The following IGSF21 variants were observed in gnomAD, a reference collection of about 807,000 sequenced individuals.
The protein encoded by IGSF21 is immunoglobin superfamily member 21, also known as immunoglobulin superfamily member 21.
A neutral mutation model predicts 46.8 loss-of-function variants in IGSF21; 28 were observed. The ratio of observed to expected loss-of-function variants is 0.60; its 90% confidence interval spans 0.44 to 0.82. The LOEUF (loss-of-function observed/expected upper bound fraction) is 0.82, where lower values mean the gene tolerates loss of function less well. Among genes scored for constraint, IGSF21 ranks in the 40% least tolerant of loss-of-function variants. IGSF21 has a pLI of 0.00. For synonymous variants in IGSF21, 284 were observed against 273.6 expected (o/e 1.04, Z -0.38); for missense variants, 624 against 665.5 (o/e 0.94, Z 0.69).
At chr1:18,185,566 A>G (rs2086895945) in intron 1 of IGSF21, among the ~76,000 whole-genome samples, 1 of 152,200 alleles carries the variant, frequency 6.6e-6, no homozygotes. Flanking sequence ...TACACTGGGC[A>G]GATCTGAGTT....
At chr1:18,164,610 A>G (rs1048756294) in intron 1 of IGSF21, among the ~76,000 whole-genome samples, 1 of 152,076 alleles carries the variant, frequency 6.6e-6, no homozygotes, top group East Asian at 1.9e-4. Flanking sequence ...TGCAATTTTA[A>G]CTGATCGTGA....
At chr1:18,293,814 C>T (rs559443447) in intron 3 of IGSF21, among the ~76,000 whole-genome samples, 37 of 152,288 alleles carry the variant, frequency 2.4e-4, no homozygotes, top group African/African-American at 8.4e-4. Context: ...CCAAGCCACC[C>T]GCTGCCACCA....
At chr1:18,274,889 G>A (rs1187798859) in intron 2 of IGSF21, among the ~76,000 whole-genome samples, 1 of 152,180 alleles carries the variant, frequency 6.6e-6, no homozygotes, top group Non-Finnish European at 1.5e-5. Context: ...AGCTGGATGT[G>A]GTGGCATGCA....
chr1:18,344,319 C>T (rs796527949), intron 4 of IGSF21, among the ~76,000 whole-genome samples: 9 of 152,274 alleles, frequency 5.9e-5, no homozygotes, highest in African/African-American at 2.2e-4. Context: ...TAGGTGTGTG[C>T]CACCATGCCT....
chr1:18,138,643 G>T (rs1414702324), intron 1 of IGSF21, among the ~76,000 whole-genome samples: 2 of 152,164 alleles, frequency 1.3e-5, no homozygotes, highest in Non-Finnish European at 2.9e-5. Flanking sequence ...AAGGGGCGAG[G>T]AAGCTGGGGT....
At chr1:18,182,337 C>T (rs1043338007) in intron 1 of IGSF21, among the ~76,000 whole-genome samples, 17 of 152,030 alleles carry the variant, frequency 1.1e-4, no homozygotes, top group African/African-American at 3.4e-4. Context: ...CCACCACATC[C>T]GGCTAATTTT....
In IGSF21 at chr1:18,201,297, G is replaced by C. The variant is rs575417231; in HGVS notation, c.71-26601G>C. Among the ~76,000 whole-genome samples the C allele has an allele frequency of 2.2e-4, 33 of 152,318 alleles. 1 individual carries two copies. The Middle Eastern group carries it at 0.027, about 126-fold the overall frequency. ...CCGGGCTGACACTCAGAATGGCCAG[G>C]CTAAGAAGTGCAGACTTGATTGTGC... On this transcript the variant is annotated intron_variant, in intron 1 of 9. Coordinates refer to ENST00000251296, the MANE Select transcript of IGSF21 (RefSeq NM_032880.5).
At chr1:18,214,298 C>G (rs548709331) in intron 1 of IGSF21, among the ~76,000 whole-genome samples, 2 of 152,168 alleles carry the variant, frequency 1.3e-5, no homozygotes, top group South Asian at 4.2e-4. Flanking sequence ...GGGACTGCTC[C>G]CTGCAAAGGC....
At chr1:18,159,868 A>G (rs556267456) in intron 1 of IGSF21, among the ~76,000 whole-genome samples, 1 of 152,062 alleles carries the variant, frequency 6.6e-6, no homozygotes, top group African/African-American at 2.4e-5. Context: ...TTTTTGGTAG[A>G]GATTGGATTT....
intron 2 of IGSF21, among the ~76,000 whole-genome samples, chr1:18,264,521 C>T (rs952781264): frequency 9.2e-5 from 14 of 151,982 alleles, no homozygotes; most frequent in Admixed American, 3.3e-4. Flanking sequence ...AACACATGGA[C>T]GGAGGGAGCC....
At chr1:18,174,094 C>T (rs919777504) in intron 1 of IGSF21, among the ~76,000 whole-genome samples, 15 of 152,168 alleles carry the variant, frequency 9.9e-5, no homozygotes, top group African/African-American at 3.6e-4. Context: ...CATGAATGTT[C>T]CGGGAAGCTC....
chr1:18,131,690 C>T (rs2086323188), intron 1 of IGSF21, among the ~76,000 whole-genome samples: 1 of 152,188 alleles, frequency 6.6e-6, no homozygotes, highest in Non-Finnish European at 1.5e-5. Context: ...TGGTTTTCCT[C>T]CATGTGCTGA....
chr1:18,363,562 G>A (rs965277385), intron 5 of IGSF21, among the ~76,000 whole-genome samples: 20 of 151,882 alleles, frequency 1.3e-4, no homozygotes, highest in Non-Finnish European at 2.2e-4. Context: ...CATAGGTGAG[G>A]CAGTGGGCAG....
chr1:18,376,360 G>C lies in IGSF21; in HGVS notation c.1066G>C (p.Gly356Arg), dbSNP rs770844847. The change falls in exon 7 of 10, where the codon GGG becomes CGG. Residue 356 changes from glycine (G) to arginine (R), a missense_variant. Physicochemically the swap from Gly to Arg is moderately radical, Grantham distance 125 (BLOSUM62 -2). Transcript: ENST00000251296. ...GATGACGCCCAGCAGAGCCCGGGTA[G>C]GGGACACAGTGAGGATTCTGGTCCA... ...IVMTPSRARVGDTVRILVHGF... is the reference protein window; with the variant it reads ...IVMTPSRARVRDTVRILVHGF... The C allele has an allele frequency of 6.2e-7, 1 of 1,614,058 alleles. No homozygotes were observed. Among genetic ancestry groups the C allele is most frequent in the South Asian group, 1.1e-5 (1 of 91,070 alleles).
intron 1 of IGSF21, among the ~76,000 whole-genome samples, chr1:18,136,632 C>A (rs1270296186): frequency 6.6e-6 from 1 of 152,124 alleles, no homozygotes; most frequent in East Asian, 1.9e-4. Context: ...CTTTTGGTAC[C>A]AGTACCATGC....
At chr1:18,376,151 A>G (rs1267692521) in intron 6 of IGSF21, 159 bp from the exon 7 acceptor site, 2 of 687,270 alleles carry the variant, frequency 2.9e-6, no homozygotes, top group Non-Finnish European at 2.7e-6. Context: ...GTCTGAATGA[A>G]TGCAGCTGTG....
intron 1 of IGSF21, among the ~76,000 whole-genome samples, chr1:18,141,913 T>C (rs2124425937): frequency 6.6e-6 from 1 of 151,846 alleles, no homozygotes; most frequent in South Asian, 2.1e-4. Flanking sequence ...CTACAAAAAA[T>C]ACAAAAATCA....
intron 4 of IGSF21, among the ~76,000 whole-genome samples, chr1:18,340,030 A>T (rs1287947129): frequency 2.0e-5 from 3 of 152,248 alleles, no homozygotes; most frequent in Non-Finnish European, 4.4e-5. Flanking sequence ...CTTTCTGGTA[A>T]AACAGCATAT....
At chr1:18,246,477 C>T (rs1054739639) in intron 2 of IGSF21, among the ~76,000 whole-genome samples, 5 of 152,126 alleles carry the variant, frequency 3.3e-5, no homozygotes, top group African/African-American at 9.7e-5. Context: ...GAGCTTAGGA[C>T]TCCAACCTCC....
Sources: gnomAD v4.1 joint callset for allele counts (sites outside exome capture counted in the v4.1 genomes callset) on GRCh38, gnomAD v4.1.1 for gene constraint, MANE v1.5 for transcripts, NCBI Gene and HGNC (gene_info 2026-07-23, HGNC 2026-07-21) for gene names.